EPS8: variants seen among roughly 807,000 people sequenced by gnomAD.
EPS8 encodes EGFR pathway substrate 8, signaling adaptor.
A neutral mutation model predicts 103.8 loss-of-function variants in EPS8; 42 were observed. The observed-to-expected ratio is 0.40, with a 90% confidence interval of 0.32 to 0.52. The LOEUF is 0.52. Among genes scored for constraint, EPS8 ranks in the 20% least tolerant of loss-of-function variants. The pLI is 0.40. For synonymous variants in EPS8, 344 were observed against 344.6 expected (o/e 1.00, Z 0.02); for missense variants, 969 against 1,005.1 (o/e 0.96, Z 0.49).
In EPS8 at chr12:15,717,592, A is replaced by AAAAG. The variant is rs199637244; in HGVS notation, c.-21-34624_-21-34621dup. ...ACAGCACGAGACTCCATCTCAAAAAAAAAGAAAGAAAGAAAGAAAAAAGAA... is the reference window on the plus strand; with the variant it reads ...ACAGCACGAGACTCCATCTCAAAAAAAAAGAAAGAAAGAAAGAAAGAAAAAAGAA... On this transcript the variant is annotated intron_variant, in intron 1 of 20. Transcript: ENST00000281172. The surrounding 1 kb of genome is among the most constrained non-coding windows in gnomAD (Gnocchi z 4.3). Among the ~76,000 whole-genome samples, 1,696 of 152,266 alleles carry AAAAG rather than the reference A, an allele frequency of 0.011. 37 individuals are homozygous for AAAAG. Among genetic ancestry groups the AAAAG allele is most frequent in the African/African-American group, 0.038 (1,590 of 41,520 alleles).
chr12:15,655,762 C>T (rs778745946), intron 12 of EPS8, among the ~76,000 whole-genome samples: 5 of 152,134 alleles, frequency 3.3e-5, no homozygotes, highest in Admixed American at 6.5e-5. Context: ...CAAGAACGTG[C>T]GCAGGCACAT....
At chr12:15,742,039 G>A (rs1946830027) in intron 1 of EPS8, among the ~76,000 whole-genome samples, 1 of 152,174 alleles carries the variant, frequency 6.6e-6, no homozygotes, top group South Asian at 2.1e-4. Flanking sequence ...CAAAGGACAT[G>A]AACTCATCCT....
In EPS8 at chr12:15,764,903, T is replaced by A. The variant is rs1396722806; in HGVS notation, c.-22+24258A>T. 6.6e-6 allele frequency among the ~76,000 whole-genome samples: 1 copy of A among 152,174 alleles called. No individual in the cohort carries two copies. Among genetic ancestry groups the A allele is most frequent in the African/African-American group, 2.4e-5 (1 of 41,448 alleles). ...CCATTAAAACTAAACATTATCAATG[T>A]CAAGTACAATATCACTCTCCAAAAA... is the stretch of plus-strand genomic sequence containing the variant. On this transcript the variant is annotated intron_variant, in intron 1 of 20. Transcript: ENST00000281172. The surrounding 1 kb of genome is among the most constrained non-coding windows in gnomAD (Gnocchi z 4.1).
At chr12:15,648,457 T>A (rs1945357474) in intron 14 of EPS8, among the ~76,000 whole-genome samples, 1 of 152,088 alleles carries the variant, frequency 6.6e-6, no homozygotes, top group East Asian at 1.9e-4. Context: ...GAGGGCTGAG[T>A]TTATCCATGG....
rs2135895080 is a variant in EPS8 at position 15,684,531 on chromosome 12, A to C, written c.-21-1559T>G. ...CATTAAATATTTATTCAAAGAAAGAAAGAAGGAAATCCATGTCCCACTCTT... is the reference window on the plus strand; with the variant it reads ...CATTAAATATTTATTCAAAGAAAGACAGAAGGAAATCCATGTCCCACTCTT... On this transcript the variant is annotated intron_variant, in intron 1 of 20. Transcript: ENST00000281172. This position sits in a 1 kb window ranked among gnomAD's most constrained non-coding sequence, Gnocchi z 4.9. Among the ~76,000 whole-genome samples the C allele has an allele frequency of 6.6e-6, 1 of 152,348 alleles. No homozygotes were observed.
rs902490578 is a variant in EPS8, at chr12:15,771,459, G to C, written c.-22+17702C>G. On this transcript the variant is annotated intron_variant, in intron 1 of 20. Coordinates refer to ENST00000281172, the MANE Select transcript of EPS8 (RefSeq NM_004447.6). This position sits in a 1 kb window ranked among gnomAD's most constrained non-coding sequence, Gnocchi z 4.6. The stretch of plus-strand genomic sequence containing the variant: ...TAGTAATTAACATGAATTGAAGTAG[G>C]ACAGAGGCAGATACAGAGACATTCA... 2.0e-5 allele frequency among the ~76,000 whole-genome samples: 3 copies of C among 152,178 alleles called. No individual in the cohort carries two copies.
Position 15,729,427 on chromosome 12 carries a change from T to C in EPS8, c.-21-46455A>G, listed in dbSNP as rs111951288. On this transcript the variant is annotated intron_variant, in intron 1 of 20. Transcript: ENST00000281172. The stretch of plus-strand genomic sequence containing the variant: ...CCTTTTGTAATTGTCTCACAATTCT[T>C]AAATATTCTGTTTCAGTTTTTTCCT... Among the ~76,000 whole-genome samples the C allele has an allele frequency of 1.7e-3, 263 of 152,320 alleles. 3 individuals are homozygous for C. Among genetic ancestry groups the C allele is most frequent in the African/African-American group, 4.6e-3 (193 of 41,572 alleles).
intron 15 of EPS8, among the ~76,000 whole-genome samples, chr12:15,643,354 C>T (rs1161732413): frequency 6.6e-6 from 1 of 152,222 alleles, no homozygotes; most frequent in African/African-American, 2.4e-5. Context: ...CTTTATGGCT[C>T]ACAGTTTTTT....
At position 15,721,768 on chromosome 12, in the gene EPS8, TTTCA is replaced by T. The variant is rs1946598279; in HGVS notation, c.-21-38800_-21-38797del. Among the ~76,000 whole-genome samples the T allele has an allele frequency of 6.6e-6, 1 of 152,044 alleles. No individual in the cohort carries two copies. Among genetic ancestry groups the T allele is most frequent in the Non-Finnish European group, 1.5e-5 (1 of 68,032 alleles). The stretch of plus-strand genomic sequence containing the variant: ...AGAAGTGCCTACAGGATTTCTAGTG[TTTCA>T]TTCAGCACCAAATATCAGACTTTTT... On this transcript the variant is annotated intron_variant, in intron 1 of 20. Transcript: ENST00000281172. The surrounding 1 kb of genome is among the most constrained non-coding windows in gnomAD (Gnocchi z 4.4).
chr12:15,730,885 TA>T (rs979752223), intron 1 of EPS8, among the ~76,000 whole-genome samples: 191 of 146,088 alleles, frequency 1.3e-3, no homozygotes, highest in East Asian at 0.011. Flanking sequence ...CCCATATAAC[TA>T]AAAAAAAAAG....
At position 15,777,181 on chromosome 12, in the gene EPS8, A is replaced by T. The variant is rs908207948; in HGVS notation, c.-22+11980T>A. ...CAATGCCATGGAGTAGCCTATATAA[A>T]TTTTTTTTTTACATTATATAACTCA... On this transcript the variant is annotated intron_variant, in intron 1 of 20. Transcript: ENST00000281172. This position sits in a 1 kb window ranked among gnomAD's most constrained non-coding sequence, Gnocchi z 4.7. Among the ~76,000 whole-genome samples the T allele has an allele frequency of 2.0e-5, 3 of 150,420 alleles. No homozygotes were observed. Among genetic ancestry groups the T allele is most frequent in the East Asian group, 1.9e-4 (1 of 5,138 alleles).
At position 15,713,131 on chromosome 12, in the gene EPS8, G is replaced by T. The variant is rs774601084; in HGVS notation, c.-21-30159C>A. 3.2e-6 allele frequency: 1 copy of T among 308,728 alleles called. No individual in the cohort carries two copies. Among genetic ancestry groups the T allele is most frequent in the Non-Finnish European group, 4.7e-6 (1 of 211,622 alleles). The allele number at this position is 308,728 out of a possible 1,614,324, so 19.1% of individuals were successfully genotyped here. On this transcript the variant is annotated intron_variant, in intron 1 of 20. Transcript: ENST00000281172. This position sits in a 1 kb window ranked among gnomAD's most constrained non-coding sequence, Gnocchi z 4.8. ...ATGATTTTTTTTTTAAGTTTTAAAT[G>T]GTGAAAATAATACTGGCTAGCATTG...
intron 17 of EPS8, among the ~76,000 whole-genome samples, chr12:15,639,754 C>T (rs986613158): frequency 6.6e-6 from 1 of 152,132 alleles, no homozygotes; most frequent in Admixed American, 6.6e-5. Context: ...CAGCTTTGGA[C>T]AATCTGTATT....
rs1173392257 is a variant in EPS8, at chr12:15,762,826, A to G, written c.-22+26335T>C. Among the ~76,000 whole-genome samples the G allele has an allele frequency of 6.6e-6, 1 of 152,194 alleles. No individual in the cohort carries two copies. The highest frequency in any genetic ancestry group is 1.5e-5 in the Non-Finnish European group (1 of 68,020). On this transcript the variant is annotated intron_variant, in intron 1 of 20. Transcript: ENST00000281172. This position sits in a 1 kb window ranked among gnomAD's most constrained non-coding sequence, Gnocchi z 4.8. Reference sequence around the variant, plus strand: ...GAGTATTAAAAAATAGTTAAAAAGAATAAGACCTAGTATTTGATAGCACAA... The same window carrying G: ...GAGTATTAAAAAATAGTTAAAAAGAGTAAGACCTAGTATTTGATAGCACAA...
At position 15,660,652 on chromosome 12, in the gene EPS8, C is replaced by T. The variant is rs1337157340; in HGVS notation, c.899G>A (p.Arg300Lys). ...CCTTTTACCTTTCTTGTTTTTCTTC[C>T]TTTTAGAAAGCTCAGAAAATGCTTC... Reference protein sequence around the residue: ...AAEAFSELSKRKKNKKGKRKG... With the variant: ...AAEAFSELSKKKKNKKGKRKG... Residue 300 changes from arginine to lysine, a missense_variant, in exon 10 of 21, where the codon AGG (arginine) becomes AAG (lysine). By Grantham distance (26) the Arg-to-Lys change is conservative. Transcript: ENST00000281172. The T allele has an allele frequency of 1.9e-6, 3 of 1,600,236 alleles. No homozygotes were observed. The highest frequency in any genetic ancestry group is 2.6e-6 in the Non-Finnish European group (3 of 1,167,996).
Position 15,665,800 on chromosome 12 carries a change from C to G in EPS8, c.692G>C (p.Ser231Thr). ...PGTVTQVDVR[S>T]RVAAWSAWAA... Reference sequence around the variant, plus strand: ...CCATGCAGACCAGGCTGCCACTCGACTTCTAACATCCACCTGGGTGACGGT... The same window carrying G: ...CCATGCAGACCAGGCTGCCACTCGAGTTCTAACATCCACCTGGGTGACGGT... The change falls in exon 8 of 21, where the codon AGT becomes ACT. Residue 231 changes from serine to threonine, a missense_variant. By Grantham distance (58) the Ser-to-Thr change is moderately conservative (BLOSUM62 1). Coordinates refer to ENST00000281172, the MANE Select transcript of EPS8 (RefSeq NM_004447.6). 6.2e-7 allele frequency: 1 copy of G among 1,613,750 alleles called. No homozygotes were observed. Among genetic ancestry groups the G allele is most frequent in the Middle Eastern group, 1.7e-4 (1 of 6,056 alleles).
chr12:15,763,562 C>T (rs1947063195), intron 1 of EPS8, among the ~76,000 whole-genome samples: 1 of 152,170 alleles, frequency 6.6e-6, no homozygotes, highest in African/African-American at 2.4e-5. Flanking sequence ...CAAGGGGCCT[C>T]TGTTCCTTAA....
chr12:15,709,925 T>C (rs1282669698), intron 1 of EPS8, among the ~76,000 whole-genome samples: 2 of 152,238 alleles, frequency 1.3e-5, no homozygotes, highest in Non-Finnish European at 2.9e-5. Flanking sequence ...CCCTCACATG[T>C]GCAGTTCACA....
rs199669695 is a variant in EPS8 at position 15,760,001 on chromosome 12, T to TA, written c.-22+29159dup. On this transcript the variant is annotated intron_variant, in intron 1 of 20. Transcript: ENST00000281172. The surrounding 1 kb of genome is among the most constrained non-coding windows in gnomAD (Gnocchi z 4.5). ...AAGAGAAATTAAAAAGAAGAAAATA[T>TA]AAAAAAAATCAATGAAACTAAAAGT... Among the ~76,000 whole-genome samples the TA allele has an allele frequency of 4.6e-4, 70 of 151,050 alleles. No individual in the cohort carries two copies. In the East Asian group the frequency reaches 0.011, roughly 23 times the overall value.
Sources: gnomAD v4.1 joint callset for allele counts (sites outside exome capture counted in the v4.1 genomes callset) on GRCh38, gnomAD v4.1.1 for gene constraint, Gnocchi (gnomAD v3.1) non-coding constraint, MANE v1.5 for transcripts, NCBI Gene and HGNC (gene_info 2026-07-23, HGNC 2026-07-21) for gene names.